The following MYO7A variants were observed in gnomAD, a reference collection of about 807,000 sequenced individuals.
MYO7A encodes the protein unconventional myosin-VIIa.
MYO7A carries 210 observed loss-of-function variants against 263.8 expected under a neutral mutation model. The observed-to-expected ratio is 0.80, with a 90% CI of 0.71 to 0.89. The LOEUF (loss-of-function observed/expected upper bound fraction) is 0.89. MYO7A is among the 40% of genes least tolerant of loss of function. The pLI, the probability that MYO7A is intolerant of heterozygous loss-of-function variation, is 0.00. For synonymous variants in MYO7A, 1,239 were observed against 1,197.3 expected (o/e 1.03, Z -0.72); for missense variants, 2,820 against 2,968.3 (o/e 0.95, Z 1.16).
At chr11:77,194,846 T>C (rs1025821316) in intron 32 of MYO7A, among the ~76,000 whole-genome samples, 2 of 152,096 alleles carry the variant, frequency 1.3e-5, no homozygotes, top group African/African-American at 2.4e-5. Flanking sequence ...GACAGAGCTT[T>C]AGGAATTGTA....
rs782412041 is a variant in MYO7A at position 77,156,843 on chromosome 11, C to T, written c.593-19C>T. 3.1e-6 allele frequency: 5 copies of T among 1,613,842 alleles called. No individual in the cohort carries two copies. The highest frequency in any genetic ancestry group is 1.3e-5 in the African/African-American group (1 of 74,928). ...GGGCGGGAGCGGGCTTTGCCAGTGA[C>T]ACCCTACTCACTCCGCAGCATTTGG... On this transcript the variant is annotated intron_variant, in intron 6 of 48. Transcript: ENST00000409709.
intron 40 of MYO7A, 38 bp from the exon 41 acceptor site, chr11:77,206,059 C>T: frequency 6.6e-7 from 1 of 1,515,064 alleles, no homozygotes; most frequent in Non-Finnish European, 9.0e-7. Context: ...TCCACAGTCC[C>T]ACGCACATGC....
chr11:77,161,576 T>C (rs1591293295), intron 12 of MYO7A, among the ~76,000 whole-genome samples: 2 of 152,232 alleles, frequency 1.3e-5, no homozygotes, highest in East Asian at 3.8e-4. Context: ...AGTCAGGACC[T>C]GGCAAGTCAT....
chr11:77,169,223 C>T (rs112971043), intron 15 of MYO7A, among the ~76,000 whole-genome samples: 2 of 152,236 alleles, frequency 1.3e-5, no homozygotes, highest in African/African-American at 4.8e-5. Context: ...ATCGGCAGAT[C>T]CCCGAGCCCT....
chr11:77,138,140 C>A lies in MYO7A; in HGVS notation c.19-4569C>A, dbSNP rs1372104844. 1.3e-5 allele frequency among the ~76,000 whole-genome samples: 2 copies of A among 152,102 alleles called. No individual in the cohort carries two copies. Among genetic ancestry groups the A allele is most frequent in the Non-Finnish European group, 2.9e-5 (2 of 68,000 alleles). The stretch of plus-strand genomic sequence containing the variant: ...GGGGGTTCGGCCGAGACGGAGGGGG[C>A]CGGGGTGGCGCGGGCGCCCCCTCGC... On this transcript the variant is annotated intron_variant, in intron 2 of 48. Transcript: ENST00000409709. This position sits in a 1 kb window ranked among gnomAD's most constrained non-coding sequence, Gnocchi z 4.9.
intron 26 of MYO7A, among the ~76,000 whole-genome samples, chr11:77,183,799 C>T (rs1436084091): frequency 1.3e-5 from 2 of 152,190 alleles, no homozygotes; most frequent in African/African-American, 4.8e-5. Flanking sequence ...CCAGCTCCTC[C>T]ACTGCAGAGT....
At chr11:77,177,159 C>T (rs1403991645) in intron 18 of MYO7A, among the ~76,000 whole-genome samples, 4 of 152,152 alleles carry the variant, frequency 2.6e-5, no homozygotes, top group Non-Finnish European at 4.4e-5. Context: ...TAGGAGGCTG[C>T]TGCCAAGGTT....
chr11:77,191,323 A>C (rs1956052473), intron 30 of MYO7A: 1 of 158,000 alleles, frequency 6.3e-6, no homozygotes, highest in South Asian at 2.0e-4. Flanking sequence ...CCATCTCAAA[A>C]AAACAAACAA....
At chr11:77,131,128 C>T (rs1555045934) in intron 2 of MYO7A, among the ~76,000 whole-genome samples, 1 of 152,220 alleles carries the variant, frequency 6.6e-6, no homozygotes, top group South Asian at 2.1e-4. Flanking sequence ...GAGCTGAGTC[C>T]TCCAGCCCCC....
chr11:77,134,075 G>A (rs930178399), intron 2 of MYO7A, among the ~76,000 whole-genome samples: 4 of 151,870 alleles, frequency 2.6e-5, no homozygotes, highest in African/African-American at 4.8e-5. Flanking sequence ...GATTACAAGC[G>A]TGCACCACCA....
intron 19 of MYO7A, among the ~76,000 whole-genome samples, 189 bp from the exon 20 acceptor site, chr11:77,178,856 G>A (rs782655331): frequency 5.3e-5 from 8 of 152,312 alleles, no homozygotes; most frequent in Middle Eastern, 3.4e-3. Context: ...TGTGGGGCAG[G>A]CAGGGCAGGC....
chr11:77,197,986 C>T (rs1227700585), intron 33 of MYO7A, among the ~76,000 whole-genome samples: 1 of 152,252 alleles, frequency 6.6e-6, no homozygotes, highest in Non-Finnish European at 1.5e-5. Flanking sequence ...TTCATTAAGG[C>T]ACATACTATG....
In MYO7A at chr11:77,160,147, G is replaced by T. The variant is rs1555067389; in HGVS notation, c.1081-16G>T. The T allele has an allele frequency of 3.9e-6, 6 of 1,550,344 alleles. No homozygotes were observed. Among genetic ancestry groups the T allele is most frequent in the Non-Finnish European group, 4.4e-6 (5 of 1,147,436 alleles). On this transcript the variant is annotated splice_polypyrimidine_tract_variant and intron_variant, in intron 10 of 48. Coordinates refer to ENST00000409709, the MANE Select transcript of MYO7A (RefSeq NM_000260.4). ...GCAGGCTGGCAGGTGAGCACCTGGG[G>T]TGTTGCCTGTACCAGGTGAACCCCC...
At chr11:77,161,136 C>T in intron 12 of MYO7A, 21 bp downstream of exon 12, 1 of 1,612,274 alleles carries the variant, frequency 6.2e-7, no homozygotes, top group Non-Finnish European at 8.5e-7. Context: ...GGGCTCTGCT[C>T]ATGGGAATTT....
At chr11:77,157,469 C>A in intron 8 of MYO7A, 77 bp downstream of exon 8, 2 of 980,804 alleles carry the variant, frequency 2.0e-6, no homozygotes, top group East Asian at 5.3e-5. Flanking sequence ...CAGACTCAGC[C>A]TTGAGGTCTC....
Position 77,156,061 on chromosome 11 carries a change from G to T in MYO7A, c.440G>T (p.Arg147Leu). 1 of 1,613,818 alleles carries T rather than the reference G, an allele frequency of 6.2e-7. No individual in the cohort carries two copies. Among genetic ancestry groups the T allele is most frequent in the East Asian group, 2.2e-5 (1 of 44,886 alleles). Residue 147 changes from arginine (R) to leucine (L), a missense_variant, in exon 5 of 49, where the codon CGC (arginine) becomes CTC (leucine). By Grantham distance (102) the Arg-to-Leu change is moderately radical. Transcript: ENST00000409709. The stretch of plus-strand genomic sequence containing the variant: ...GACAACTGCTACTTCAACATGAAAC[G>T]CAACAGCCGAGACCAGTGCTGCATC... ...IADNCYFNMKRNSRDQCCIIS... is the reference protein window; with the variant it reads ...IADNCYFNMKLNSRDQCCIIS...
At chr11:77,188,294 C>A (rs1456612365) in intron 27 of MYO7A, among the ~76,000 whole-genome samples, 1 of 152,214 alleles carries the variant, frequency 6.6e-6, no homozygotes, top group Non-Finnish European at 1.5e-5. Flanking sequence ...TAAAGGACTG[C>A]TCTGAGACTT....
chr11:77,148,472 C>T (rs1951738860), intron 4 of MYO7A, among the ~76,000 whole-genome samples: 1 of 152,206 alleles, frequency 6.6e-6, no homozygotes, highest in Non-Finnish European at 1.5e-5. Context: ...CTCTCCTCCA[C>T]CTTCAAATGG....
At chr11:77,188,865 G>A (rs1955823793) in intron 27 of MYO7A, among the ~76,000 whole-genome samples, 1 of 152,176 alleles carries the variant, frequency 6.6e-6, no homozygotes, top group Non-Finnish European at 1.5e-5. Flanking sequence ...CCATCCCCCA[G>A]TGACACCCCA....
Sources: allele counts gnomAD v4.1 joint callset (sites outside exome capture counted in the v4.1 genomes callset), GRCh38; gene constraint gnomAD v4.1.1; non-coding constraint Gnocchi (gnomAD v3.1); transcripts MANE v1.5; gene names NCBI Gene and HGNC (gene_info 2026-07-23, HGNC 2026-07-21).